LMX1A: variants seen among roughly 807,000 people sequenced by gnomAD.
LMX1A encodes the protein LIM homeobox transcription factor 1-alpha.
LMX1A carries 15 observed loss-of-function variants against 49.1 expected under a neutral mutation model. The observed-to-expected ratio is 0.31, with a 90% confidence interval of 0.20 to 0.47. LMX1A has a LOEUF of 0.47. Among genes scored for constraint, LMX1A ranks in the 20% least tolerant of loss-of-function variants. LMX1A has a pLI of 1.00. For missense variants in LMX1A, 372 were observed against 475.8 expected (o/e 0.78, Z 2.03); for synonymous variants, 167 against 185.7 (o/e 0.90, Z 0.82).
At chr1:165,340,578 T>C (rs972571859) in intron 3 of LMX1A, among the ~76,000 whole-genome samples, 1 of 152,182 alleles carries the variant, frequency 6.6e-6, no homozygotes, top group Non-Finnish European at 1.5e-5. Context: ...TTGGCTCTCT[T>C]TTCATGTAGT....
At chr1:165,221,770 T>G (rs1208204445) in intron 4 of LMX1A, among the ~76,000 whole-genome samples, 1 of 152,196 alleles carries the variant, frequency 6.6e-6, no homozygotes, top group Non-Finnish European at 1.5e-5. Context: ...AGGGAAACCT[T>G]GTGCTTGGCA....
intron 3 of LMX1A, among the ~76,000 whole-genome samples, chr1:165,344,247 C>T (rs1276715658): frequency 1.3e-5 from 2 of 152,200 alleles, no homozygotes; most frequent in Admixed American, 1.3e-4. Flanking sequence ...CCAGAGTCTA[C>T]CTCATGGCAC....
chr1:165,319,836 A>G (rs4311863), intron 3 of LMX1A, among the ~76,000 whole-genome samples: 132,852 of 152,114 alleles, frequency 0.87, 58,484 homozygotes, highest in East Asian at 0.94. Context: ...GATTATTTTC[A>G]TTTCTTTATA....
chr1:165,356,448 T>C lies in LMX1A; in HGVS notation c.-116A>G, dbSNP rs1557895508. 6.6e-6 allele frequency: 1 copy of C among 151,696 alleles called. No individual in the cohort carries two copies. Among genetic ancestry groups the C allele is most frequent in the Non-Finnish European group, 1.5e-5 (1 of 67,886 alleles). 9.4% of individuals were successfully genotyped at this position (151,696 alleles called of 1,614,324 possible). A position where few individuals can be genotyped will look rare whatever the true frequency, so the allele number is the denominator to read the frequency against. On this transcript the variant is annotated 5_prime_UTR_variant, in exon 1 of 9. Coordinates refer to ENST00000342310, the MANE Select transcript of LMX1A (RefSeq NM_177398.4). Reference sequence around the variant, plus strand: ...CCCGGGAAGGCGTCGCCCCCGAGACTGCAGCCGGAGGAGCCGCCCTCGGCT... The same window carrying C: ...CCCGGGAAGGCGTCGCCCCCGAGACCGCAGCCGGAGGAGCCGCCCTCGGCT...
intron 3 of LMX1A, among the ~76,000 whole-genome samples, chr1:165,315,931 C>T (rs544441328): frequency 2.6e-5 from 4 of 152,326 alleles, no homozygotes; most frequent in Admixed American, 1.3e-4. Flanking sequence ...ATCTTAAAGA[C>T]GCAAAGGGCT....
chr1:165,334,990 G>GT (rs1294704556), intron 3 of LMX1A, among the ~76,000 whole-genome samples: 1 of 152,162 alleles, frequency 6.6e-6, no homozygotes, highest in Non-Finnish European at 1.5e-5. Flanking sequence ...AGTCCTGAAT[G>GT]TTTTTTACCT....
At chr1:165,253,986 C>T (rs1653145321) in intron 3 of LMX1A, among the ~76,000 whole-genome samples, 1 of 152,144 alleles carries the variant, frequency 6.6e-6, no homozygotes, top group Non-Finnish European at 1.5e-5. Flanking sequence ...CCCCAAGTCC[C>T]CGGTTGCTGT....
chr1:165,352,287 T>A (rs1656451137), intron 3 of LMX1A, among the ~76,000 whole-genome samples: 3 of 152,198 alleles, frequency 2.0e-5, no homozygotes, highest in Non-Finnish European at 4.4e-5. Context: ...CCAGTTCTCC[T>A]CTGAACGTAC....
intron 3 of LMX1A, among the ~76,000 whole-genome samples, chr1:165,326,451 G>A (rs1655582784): frequency 2.0e-5 from 3 of 152,204 alleles, no homozygotes; most frequent in Admixed American, 2.0e-4. Context: ...AGGAATCAAT[G>A]GAGACGGAAT....
At chr1:165,300,431 C>T (rs1469656580) in intron 3 of LMX1A, among the ~76,000 whole-genome samples, 1 of 152,198 alleles carries the variant, frequency 6.6e-6, no homozygotes, top group East Asian at 1.9e-4. Context: ...CCATTAAAAC[C>T]TTGAGCTGAC....
chr1:165,308,399 A>G (rs558766237), intron 3 of LMX1A, among the ~76,000 whole-genome samples: 135 of 152,376 alleles, frequency 8.9e-4, no homozygotes, highest in African/African-American at 3.2e-3. Flanking sequence ...TCTGAATTCA[A>G]TAAGGCTCTA....
chr1:165,265,910 G>A (rs76912824), intron 3 of LMX1A, among the ~76,000 whole-genome samples: 7,684 of 152,032 alleles, frequency 0.051, 604 homozygotes, highest in African/African-American at 0.17. Flanking sequence ...AGCACCTCCC[G>A]CAAAGACACA....
intron 3 of LMX1A, among the ~76,000 whole-genome samples, chr1:165,350,747 C>T (rs1656402092): frequency 6.6e-6 from 1 of 152,162 alleles, no homozygotes; most frequent in African/African-American, 2.4e-5. Flanking sequence ...ATGGGCTAAG[C>T]ACAGGCCAGT....
chr1:165,290,022 A>G (rs540368684), intron 3 of LMX1A, among the ~76,000 whole-genome samples: 6 of 152,208 alleles, frequency 3.9e-5, no homozygotes, highest in Admixed American at 1.3e-4. Context: ...GAGGTAGGTG[A>G]CAGATTTGGG....
In LMX1A at chr1:165,314,127, C is replaced by A. The variant is rs530755624; in HGVS notation, c.263+38949G>T. On this transcript the variant is annotated intron_variant, in intron 3 of 8. Transcript: ENST00000342310. ...CAGCAAATAACTCCACAAGCTCACA[C>A]CTCCTTGAGAAATAACTGCTGTCTC... Among the ~76,000 whole-genome samples the A allele has an allele frequency of 2.0e-5, 3 of 152,360 alleles. No individual in the cohort carries two copies. In the South Asian group the frequency reaches 6.2e-4, roughly 32 times the overall value.
chr1:165,310,685 C>T (rs1655050724), intron 3 of LMX1A, among the ~76,000 whole-genome samples: 2 of 152,166 alleles, frequency 1.3e-5, no homozygotes, highest in South Asian at 4.1e-4. Flanking sequence ...TTTTGGGCAT[C>T]GCTTCATGTT....
chr1:165,351,651 A>AAAATGACAAAAGT (rs1656432402), intron 3 of LMX1A, among the ~76,000 whole-genome samples: 1 of 152,242 alleles, frequency 6.6e-6, no homozygotes, highest in African/African-American at 2.4e-5. Flanking sequence ...ATGACAAAAG[A>AAAATGACAAAAGT]AAATGCCTAG....
At chr1:165,342,884 C>T (rs558507630) in intron 3 of LMX1A, among the ~76,000 whole-genome samples, 1 of 151,850 alleles carries the variant, frequency 6.6e-6, no homozygotes, top group Admixed American at 6.6e-5. Flanking sequence ...GCCATTGGAC[C>T]AGGAGTTAGA....
chr1:165,230,219 T>G (rs1419583505), intron 4 of LMX1A, among the ~76,000 whole-genome samples: 2 of 152,210 alleles, frequency 1.3e-5, no homozygotes, highest in East Asian at 3.8e-4. Flanking sequence ...CCACCCAGTT[T>G]ATGGTATTTT....
Sources: allele counts gnomAD v4.1 joint callset (sites outside exome capture counted in the v4.1 genomes callset), GRCh38; gene constraint gnomAD v4.1.1; transcripts MANE v1.5; gene names NCBI Gene and HGNC (gene_info 2026-07-23, HGNC 2026-07-21).